The following FAM107B variants were observed in gnomAD, a reference collection of about 807,000 sequenced individuals.
FAM107B encodes the protein family with sequence similarity 107 member B.
Under a neutral mutation model 31.5 loss-of-function variants are expected in FAM107B, and 21 were observed. That is an observed-to-expected ratio of 0.67 (90% CI 0.47 to 0.96). The LOEUF (loss-of-function observed/expected upper bound fraction) is 0.96. Among genes scored for constraint, FAM107B ranks in the 40% least tolerant of loss-of-function variants. The probability of loss-of-function intolerance (pLI) is 0.00; values close to 1 mark genes in which losing one functional copy is unlikely to be tolerated. For synonymous variants in FAM107B, 157 were observed against 141.5 expected (o/e 1.11, Z -0.78); for missense variants, 452 against 377.1 (o/e 1.20, Z -1.64).
chr10:14,774,003 C>A (rs1319563130), intron 1 of FAM107B, among the ~76,000 whole-genome samples: 2 of 152,196 alleles, frequency 1.3e-5, no homozygotes, highest in Non-Finnish European at 2.9e-5. Context: ...GGCACCCTAG[C>A]CCGTTAATTC....
chr10:14,771,570 C>CATGTATAT (rs773763015), intron 1 of FAM107B, among the ~76,000 whole-genome samples: 3,424 of 152,142 alleles, frequency 0.023, 130 homozygotes, highest in African/African-American at 0.077. Context: ...TACATGTATA[C>CATGTATAT]ATACCCCAAA....
intron 2 of FAM107B, among the ~76,000 whole-genome samples, chr10:14,566,174 A>C (rs1850650781): frequency 6.6e-6 from 1 of 152,240 alleles, no homozygotes; most frequent in Non-Finnish European, 1.5e-5. Flanking sequence ...GTTTCACTAA[A>C]GTAGCAGAGA....
chr10:14,662,335 T>C (rs1854265217), intron 2 of FAM107B, among the ~76,000 whole-genome samples: 1 of 151,328 alleles, frequency 6.6e-6, no homozygotes, highest in Admixed American at 6.6e-5. Flanking sequence ...GCTGTGTAAC[T>C]GCTGCTGGAG....
chr10:14,728,073 G>A (rs1721845232), intron 1 of FAM107B, among the ~76,000 whole-genome samples: 1 of 152,134 alleles, frequency 6.6e-6, no homozygotes, highest in Admixed American at 6.5e-5. Context: ...GAGTAAGGAA[G>A]CCTCTTGAAT....
chr10:14,730,018 T>G (rs1174771252), intron 1 of FAM107B, among the ~76,000 whole-genome samples: 2 of 151,868 alleles, frequency 1.3e-5, no homozygotes, highest in African/African-American at 2.4e-5. Context: ...GAGGGGAACA[T>G]CACACACTGA....
At chr10:14,590,358 T>C (rs1398115534) in intron 2 of FAM107B, among the ~76,000 whole-genome samples, 1 of 152,248 alleles carries the variant, frequency 6.6e-6, no homozygotes, top group Non-Finnish European at 1.5e-5. Context: ...ACTGTGACTA[T>C]GGGAATCCTA....
At chr10:14,749,280 C>G (rs1466118807) in intron 1 of FAM107B, among the ~76,000 whole-genome samples, 1 of 152,150 alleles carries the variant, frequency 6.6e-6, no homozygotes, top group Non-Finnish European at 1.5e-5. Flanking sequence ...GCCAGCTTGT[C>G]TGAGGATCCA....
intron 2 of FAM107B, among the ~76,000 whole-genome samples, chr10:14,578,341 T>G (rs971155903): frequency 1.3e-5 from 2 of 152,242 alleles, no homozygotes; most frequent in South Asian, 2.1e-4. Context: ...CACTCATCTG[T>G]CTTCACTCTG....
intron 1 of FAM107B, among the ~76,000 whole-genome samples, chr10:14,759,583 A>G (rs571806801): frequency 3.2e-4 from 49 of 152,268 alleles, no homozygotes; most frequent in Non-Finnish European, 5.9e-4. Context: ...TTGTCTTTTT[A>G]TCTATTAAGA....
intron 2 of FAM107B, among the ~76,000 whole-genome samples, chr10:14,547,416 G>C (rs1427655384): frequency 1.3e-5 from 2 of 152,120 alleles, no homozygotes; most frequent in African/African-American, 2.4e-5. Flanking sequence ...TGGCCAAATT[G>C]TGGGTCAAAC....
chr10:14,749,414 T>C (rs1832784681), intron 1 of FAM107B, among the ~76,000 whole-genome samples: 1 of 152,168 alleles, frequency 6.6e-6, no homozygotes, highest in South Asian at 2.1e-4. Flanking sequence ...TCTCAATCAA[T>C]CTGGCAGTGC....
intron 1 of FAM107B, among the ~76,000 whole-genome samples, chr10:14,709,982 TA>T (rs962056720): frequency 6.6e-6 from 1 of 152,146 alleles, no homozygotes; most frequent in African/African-American, 2.4e-5. Flanking sequence ...AAGTATTCTG[TA>T]TGATACTATA....
At chr10:14,568,661 T>C (rs1850914491) in intron 2 of FAM107B, among the ~76,000 whole-genome samples, 1 of 152,262 alleles carries the variant, frequency 6.6e-6, no homozygotes, top group South Asian at 2.1e-4. Flanking sequence ...GAGGTGAAGA[T>C]ACTCGGGTAG....
intron 2 of FAM107B, among the ~76,000 whole-genome samples, chr10:14,565,383 T>G (rs1232125184): frequency 1.3e-5 from 2 of 152,074 alleles, no homozygotes; most frequent in Non-Finnish European, 2.9e-5. Flanking sequence ...CATAGGCGCA[T>G]GGGCTTGGAG....
intron 2 of FAM107B, among the ~76,000 whole-genome samples, chr10:14,622,495 C>G (rs188247039): frequency 1.3e-5 from 2 of 151,976 alleles, no homozygotes; most frequent in East Asian, 3.9e-4. Flanking sequence ...TTAGTAGAGA[C>G]GGGGTTTCAC....
Position 14,774,429 on chromosome 10 carries a change from A to T in FAM107B, c.235T>A (p.Ser79Thr). 10 of 1,614,140 alleles carry T rather than the reference A, an allele frequency of 6.2e-6. No individual in the cohort carries two copies. Among genetic ancestry groups the T allele is most frequent in the Non-Finnish European group, 8.5e-6 (10 of 1,180,014 alleles). Residue 79 changes from serine (S) to threonine (T), a missense_variant, in exon 1 of 5, where the codon TCG (serine) becomes ACG (threonine). Coordinates refer to ENST00000181796, the MANE Select transcript of FAM107B (RefSeq NM_031453.4). ...AEGAPEKRQD[S>T]STHAERNGSA... The stretch of plus-strand genomic sequence containing the variant: ...CCATTTCTCTCTGCATGGGTGCTCG[A>T]ATCTTGCCTTTTCTCTGGAGCTCCT...
chr10:14,606,472 A>G (rs1332400743), intron 2 of FAM107B, among the ~76,000 whole-genome samples: 1 of 152,196 alleles, frequency 6.6e-6, no homozygotes, highest in Non-Finnish European at 1.5e-5. Context: ...CTAATGTAAT[A>G]TCTGGCATAT....
intron 1 of FAM107B, among the ~76,000 whole-genome samples, chr10:14,680,503 G>A (rs1338405507): frequency 6.6e-6 from 1 of 151,540 alleles, no homozygotes; most frequent in African/African-American, 2.4e-5. Context: ...GAACCCCGGA[G>A]GCAGAGGTTG....
At chr10:14,596,977 T>C (rs937589668) in intron 2 of FAM107B, among the ~76,000 whole-genome samples, 1 of 152,180 alleles carries the variant, frequency 6.6e-6, no homozygotes, top group Non-Finnish European at 1.5e-5. Context: ...TCAAAAGTCA[T>C]ATACTCATTC....
Sources: gnomAD v4.1 joint callset for allele counts (sites outside exome capture counted in the v4.1 genomes callset) on GRCh38, gnomAD v4.1.1 for gene constraint, MANE v1.5 for transcripts, NCBI Gene and HGNC (gene_info 2026-07-23, HGNC 2026-07-21) for gene names.